Variants in TCF12 observed in about 807,000 individuals in gnomAD.
TCF12 encodes transcription factor 12.
In TCF12, 45 loss-of-function variants were observed where a neutral mutation model predicts 86.0. The ratio of observed to expected loss-of-function variants is 0.52; its 90% CI spans 0.41 to 0.67. The LOEUF (loss-of-function observed/expected upper bound fraction) is 0.67. Among genes scored for constraint, TCF12 ranks in the 30% least tolerant of loss-of-function variants. The pLI is 0.00. For synonymous variants in TCF12, 330 were observed against 299.6 expected (o/e 1.10, Z -1.05); for missense variants, 881 against 859.9 (o/e 1.02, Z -0.31).
chr15:56,974,909 T>C (rs1390945064), intron 3 of TCF12, among the ~76,000 whole-genome samples: 1 of 152,140 alleles, frequency 6.6e-6, no homozygotes, highest in East Asian at 1.9e-4. Flanking sequence ...TTAGAAGCTA[T>C]CTTTGCTTTT....
At chr15:56,983,183 T>G (rs1293970782) in intron 3 of TCF12, among the ~76,000 whole-genome samples, 2 of 152,220 alleles carry the variant, frequency 1.3e-5, no homozygotes, top group Non-Finnish European at 2.9e-5. Context: ...TCCTGTTACC[T>G]TTGTCTCCCG....
chr15:56,992,536 A>C (rs1293143329), intron 3 of TCF12, among the ~76,000 whole-genome samples: 1 of 152,158 alleles, frequency 6.6e-6, no homozygotes, highest in Admixed American at 6.5e-5. Context: ...TTCTTACCTA[A>C]TCACCTGTAA....
At chr15:56,950,590 G>T (rs1428273232) in intron 3 of TCF12, among the ~76,000 whole-genome samples, 2 of 151,860 alleles carry the variant, frequency 1.3e-5, no homozygotes, top group East Asian at 1.9e-4. Flanking sequence ...GCTTAAATCG[G>T]CATAATTATT....
intron 3 of TCF12, among the ~76,000 whole-genome samples, chr15:56,955,162 C>G (rs1418038175): frequency 6.6e-6 from 1 of 152,054 alleles, no homozygotes; most frequent in East Asian, 1.9e-4. Flanking sequence ...AGATGTCCAT[C>G]AATGATAGAC....
chr15:57,104,876 T>G (rs2050034238), intron 5 of TCF12, among the ~76,000 whole-genome samples: 1 of 137,514 alleles, frequency 7.3e-6, no homozygotes, highest in African/African-American at 2.7e-5. Flanking sequence ...TTTTTTTTTT[T>G]TTTTTTTTTG....
intron 3 of TCF12, among the ~76,000 whole-genome samples, chr15:56,947,691 T>C (rs1430943031): frequency 6.6e-6 from 1 of 152,236 alleles, no homozygotes; most frequent in African/African-American, 2.4e-5. Context: ...TACTGCATCA[T>C]GGCTCAAATC....
chr15:57,271,135 C>A (rs1398493925), intron 18 of TCF12, among the ~76,000 whole-genome samples: 1 of 152,224 alleles, frequency 6.6e-6, no homozygotes, highest in African/African-American at 2.4e-5. Context: ...TCTGGAGAAA[C>A]TGTCTGCTGC....
chr15:57,030,213 G>A (rs1301499077), intron 3 of TCF12, among the ~76,000 whole-genome samples: 2 of 152,106 alleles, frequency 1.3e-5, no homozygotes, highest in Non-Finnish European at 2.9e-5. Context: ...TGAGGCAGGA[G>A]TTTGCTTTAT....
rs1184422578 is a variant in TCF12 at position 57,208,380 on chromosome 15, C to CTTTTTTTTTTTTTTTTTTTTT, written c.579+10574_579+10575insTTTTTTTTTTTTTTTTTTTTT. Among the ~76,000 whole-genome samples, 38 of 65,588 alleles carry CTTTTTTTTTTTTTTTTTTTTT rather than the reference C, an allele frequency of 5.8e-4. 2 individuals carry two copies. The highest frequency in any genetic ancestry group is 2.3e-3 in the African/African-American group (34 of 14,844). The allele number at this position is 65,588 out of a possible 152,430, so 43.0% of individuals were successfully genotyped here. On this transcript the variant is annotated intron_variant, in intron 8 of 20. Coordinates refer to ENST00000333725, the MANE Select transcript of TCF12 (RefSeq NM_207037.2). ...ACCTTGTTCTTTGGACAAAAATATC[C>CTTTTTTTTTTTTTTTTTTTTT]TTTTTTTTTTTTTTTTTTTGGAGAC...
At chr15:56,944,471 G>C (rs2060909822) in intron 3 of TCF12, among the ~76,000 whole-genome samples, 1 of 152,158 alleles carries the variant, frequency 6.6e-6, no homozygotes, top group Admixed American at 6.5e-5. Context: ...AAGCTGCTAA[G>C]ACAAGGGAAT....
At chr15:57,013,200 A>G (rs1398162308) in intron 3 of TCF12, among the ~76,000 whole-genome samples, 1 of 152,228 alleles carries the variant, frequency 6.6e-6, no homozygotes, top group Non-Finnish European at 1.5e-5. Context: ...TCATTTATCC[A>G]GTAAATATTT....
At chr15:57,124,017 A>G (rs891863236) in intron 5 of TCF12, among the ~76,000 whole-genome samples, 2 of 145,698 alleles carry the variant, frequency 1.4e-5, no homozygotes, top group African/African-American at 5.0e-5. Context: ...ACAGTCTCAC[A>G]TTGCCCAGGC....
At chr15:57,102,336 A>G (rs2957591) in intron 5 of TCF12, among the ~76,000 whole-genome samples, 86,808 of 152,034 alleles carry the variant, frequency 0.57, 25,013 homozygotes, top group Admixed American at 0.61. Context: ...GGTGGCTCAC[A>G]CCTGTAATCC....
chr15:56,957,432 A>G (rs2061547619), intron 3 of TCF12, among the ~76,000 whole-genome samples: 1 of 152,184 alleles, frequency 6.6e-6, no homozygotes, highest in East Asian at 1.9e-4. Context: ...TGTGTTTTAT[A>G]TTGGATTGTT....
chr15:57,136,958 G>GTTTTTTTTTTTTTTTTTTTTTT lies in TCF12; in HGVS notation c.326-29433_326-29432insTTTTTTTTTTTTTTTTTTTTTT, dbSNP rs869113042. Among the ~76,000 whole-genome samples the GTTTTTTTTTTTTTTTTTTTTTT allele has an allele frequency of 2.0e-4, 17 of 83,044 alleles. 8 individuals carry two copies. The highest frequency in any genetic ancestry group is 8.2e-4 in the African/African-American group (17 of 20,800). 54.5% of individuals were successfully genotyped at this position (83,044 alleles called of 152,430 possible). On this transcript the variant is annotated intron_variant, in intron 5 of 20. Transcript: ENST00000333725. ...TAGACAATAGCCACTGCTTCTGGCA[G>GTTTTTTTTTTTTTTTTTTTTTT]TTTTTTTTTTTGTTTTTTTTTTTTT...
chr15:57,074,563 A>C (rs137893033), intron 4 of TCF12, among the ~76,000 whole-genome samples: 1 of 152,144 alleles, frequency 6.6e-6, no homozygotes, highest in Admixed American at 6.5e-5. Context: ...CTGGAAATGC[A>C]GTGGCACAGT....
At chr15:57,086,689 C>T (rs1177356142) in intron 4 of TCF12, among the ~76,000 whole-genome samples, 1 of 121,556 alleles carries the variant, frequency 8.2e-6, no homozygotes, top group Non-Finnish European at 1.6e-5. Context: ...ATTCAAAGAG[C>T]CTCTTTCCCT....
intron 4 of TCF12, among the ~76,000 whole-genome samples, chr15:57,075,291 A>G (rs2069784598): frequency 6.6e-6 from 1 of 152,022 alleles, no homozygotes; most frequent in South Asian, 2.1e-4. Context: ...ACTTCCTTAG[A>G]TCGTTTTTCC....
At chr15:57,008,867 T>C (rs1204555695) in intron 3 of TCF12, among the ~76,000 whole-genome samples, 1 of 152,158 alleles carries the variant, frequency 6.6e-6, no homozygotes, top group African/African-American at 2.4e-5. Flanking sequence ...GAAAGGGCCT[T>C]TGGTATCTAA....
Sources: allele counts gnomAD v4.1 joint callset (sites outside exome capture counted in the v4.1 genomes callset), GRCh38; gene constraint gnomAD v4.1.1; transcripts MANE v1.5; gene names NCBI Gene and HGNC (gene_info 2026-07-23, HGNC 2026-07-21).